The following DGKG variants were observed in gnomAD, a reference collection of about 807,000 sequenced individuals.
DGKG encodes diacylglycerol kinase gamma.
In DGKG, 78 loss-of-function variants were observed where a neutral mutation model predicts 105.3. The observed-to-expected ratio is 0.74, with a 90% confidence interval of 0.62 to 0.89. DGKG has a LOEUF of 0.89. DGKG is among the 40% of genes least tolerant of loss of function. DGKG has a pLI of 0.00. For synonymous variants in DGKG, 346 were observed against 367.1 expected, an observed-to-expected ratio of 0.94 and a Z score of 0.66; for missense variants, 958 against 1,020.1, an observed-to-expected ratio of 0.94 and a Z score of 0.83.
intron 3 of DGKG, among the ~76,000 whole-genome samples, chr3:186,299,178 T>C (rs1210193589): frequency 6.6e-6 from 1 of 152,186 alleles, no homozygotes; most frequent in Non-Finnish European, 1.5e-5. Context: ...TGGAAATCAT[T>C]TGAGGAAGCA....
At position 186,188,223 on chromosome 3, in the gene DGKG, C is replaced by A; in HGVS notation, c.2074G>T (p.Glu692Ter). The A allele has an allele frequency of 6.2e-7, 1 of 1,614,172 alleles. No homozygotes were observed. The highest frequency in any genetic ancestry group is 8.5e-7 in the Non-Finnish European group (1 of 1,180,030). Reference protein sequence around the residue: ...ESRKGVTDPKELKFCVQDLSD... With the variant: ...ESRKGVTDPK ...TTACCTTGAACGCAGAATTTCAGTT[C>A]TTTGGGGTCAGTGACACCCTTCCTG... The change falls in exon 22 of 25, where the codon GAA becomes TAA. Residue 692 changes from glutamate (E) to a stop codon, truncating the protein, a stop_gained. Transcript: ENST00000265022. LOFTEE classifies it high-confidence loss of function.
chr3:186,342,257 G>C (rs1726126259), intron 1 of DGKG, among the ~76,000 whole-genome samples: 1 of 152,324 alleles, frequency 6.6e-6, no homozygotes. Flanking sequence ...CCTAAGGATA[G>C]AGCACCTAGA....
At chr3:186,191,396 T>C (rs1441713381) in intron 21 of DGKG, among the ~76,000 whole-genome samples, 1 of 152,234 alleles carries the variant, frequency 6.6e-6, no homozygotes, top group Non-Finnish European at 1.5e-5. Context: ...GCCATATTTG[T>C]CTGCCTCTTA....
chr3:186,228,665 C>T (rs1469524319), intron 20 of DGKG, among the ~76,000 whole-genome samples: 1 of 152,188 alleles, frequency 6.6e-6, no homozygotes, highest in African/African-American at 2.4e-5. Context: ...CATACTGCTT[C>T]CCTCCTCCTA....
At chr3:186,170,111 T>C (rs1716747589) in intron 22 of DGKG, among the ~76,000 whole-genome samples, 2 of 152,182 alleles carry the variant, frequency 1.3e-5, no homozygotes, top group Admixed American at 1.3e-4. Context: ...GCTAGGCCAG[T>C]GGTTCCTAAA....
intron 2 of DGKG, among the ~76,000 whole-genome samples, chr3:186,317,918 A>G (rs903949126): frequency 2.6e-5 from 4 of 152,188 alleles, no homozygotes; most frequent in South Asian, 2.1e-4. Context: ...AACAATCCCA[A>G]ACATTCCCCA....
At position 186,361,583 on chromosome 3, in the gene DGKG, T is replaced by A. The variant is rs553509954; in HGVS notation, c.-249+363A>T. On this transcript the variant is annotated intron_variant, in intron 1 of 24. Coordinates refer to ENST00000265022, the MANE Select transcript of DGKG (RefSeq NM_001346.3). The surrounding 1 kb of genome is among the most constrained non-coding windows in gnomAD (Gnocchi z 6.8). ...TTCTCGGACTGCCTGGAGCGCGAACTGGATATCAAGGAGCCAAGGTTAAGT... is the reference window on the plus strand; with the variant it reads ...TTCTCGGACTGCCTGGAGCGCGAACAGGATATCAAGGAGCCAAGGTTAAGT... Among the ~76,000 whole-genome samples, 2 of 152,112 alleles carry A rather than the reference T, an allele frequency of 1.3e-5. No homozygotes were observed. Among genetic ancestry groups the A allele is most frequent in the Non-Finnish European group, 1.5e-5 (1 of 68,028 alleles).
intron 3 of DGKG, 120 bp downstream of exon 3, chr3:186,306,781 G>T: frequency 1.5e-6 from 1 of 679,704 alleles, no homozygotes; most frequent in Non-Finnish European, 2.6e-6. Context: ...TGAGACTTAA[G>T]AGGAAACATG....
At chr3:186,275,696 C>G (rs750410934) in intron 9 of DGKG, 32 bp from the exon 10 acceptor site, 3 of 1,551,188 alleles carry the variant, frequency 1.9e-6, no homozygotes, top group East Asian at 2.3e-5. Flanking sequence ...AGACCCCAAG[C>G]TGGCTGCCCT....
intron 20 of DGKG, among the ~76,000 whole-genome samples, chr3:186,233,704 C>T (rs974669150): frequency 5.3e-5 from 8 of 152,172 alleles, no homozygotes; most frequent in Admixed American, 1.3e-4. Flanking sequence ...AGGATAGTCT[C>T]GATCTCCTGA....
intron 1 of DGKG, among the ~76,000 whole-genome samples, chr3:186,339,979 AT>A (rs1726012470): frequency 6.6e-6 from 1 of 152,230 alleles, no homozygotes; most frequent in African/African-American, 2.4e-5. Context: ...AGGATTAAAG[AT>A]AATGAATATA....
chr3:186,204,363 G>A lies in DGKG; in HGVS notation c.1917+7432C>T, dbSNP rs890276610. On this transcript the variant is annotated intron_variant, in intron 21 of 24. Coordinates refer to ENST00000265022, the MANE Select transcript of DGKG (RefSeq NM_001346.3). The stretch of plus-strand genomic sequence containing the variant: ...AGAGGTTGCAGTAAGCTGAGATCGC[G>A]CCACTGCACTCCATCCTGGGTGACA... 8.5e-5 allele frequency among the ~76,000 whole-genome samples: 13 copies of A among 152,210 alleles called. No individual in the cohort carries two copies. In the East Asian group the frequency reaches 9.7e-4, roughly 11 times the overall value.
At chr3:186,309,679 G>T (rs927297991) in intron 2 of DGKG, among the ~76,000 whole-genome samples, 9 of 152,204 alleles carry the variant, frequency 5.9e-5, no homozygotes, top group Middle Eastern at 3.2e-3. Flanking sequence ...TCTGCAAGAA[G>T]AGTGTAGAGT....
chr3:186,184,793 C>T (rs1215685361), intron 22 of DGKG, among the ~76,000 whole-genome samples: 1 of 152,078 alleles, frequency 6.6e-6, no homozygotes, highest in Non-Finnish European at 1.5e-5. Flanking sequence ...CTGATTTCTC[C>T]CTCTCCTCCA....
chr3:186,290,076 G>A (rs1377789063), intron 5 of DGKG, among the ~76,000 whole-genome samples: 1 of 152,166 alleles, frequency 6.6e-6, no homozygotes, highest in Non-Finnish European at 1.5e-5. Flanking sequence ...CCAAGATGGA[G>A]CCTAGGAAAC....
intron 2 of DGKG, 30 bp downstream of exon 2, chr3:186,320,363 C>T (rs776221082): frequency 1.9e-5 from 30 of 1,613,026 alleles, no homozygotes; most frequent in Middle Eastern, 1.6e-4. Flanking sequence ...GAAGAAATCC[C>T]GTCCCAGGGC....
At chr3:186,206,196 C>T (rs966817154) in intron 21 of DGKG, among the ~76,000 whole-genome samples, 1 of 152,102 alleles carries the variant, frequency 6.6e-6, no homozygotes, top group Non-Finnish European at 1.5e-5. Context: ...CCATCCTGCC[C>T]TACGTGGTGA....
chr3:186,160,404 G>A (rs1395793236), intron 24 of DGKG: 2 of 985,194 alleles, frequency 2.0e-6, no homozygotes, highest in African/African-American at 3.5e-5. Flanking sequence ...TCCATCAAAT[G>A]ATAAATAGTA....
In DGKG at chr3:186,361,491, A is replaced by G. The variant is rs1463899997; in HGVS notation, c.-249+455T>C. On this transcript the variant is annotated intron_variant, in intron 1 of 24. Transcript: ENST00000265022. The surrounding 1 kb of genome is among the most constrained non-coding windows in gnomAD (Gnocchi z 6.8). ...GCAGGGGCTTTGTGGAGTGCCCCCA[A>G]AGTCCTAGAACCCCGCGGGACGGTC... Among the ~76,000 whole-genome samples the G allele has an allele frequency of 1.3e-5, 2 of 152,138 alleles. No individual in the cohort carries two copies. Among genetic ancestry groups the G allele is most frequent in the Non-Finnish European group, 2.9e-5 (2 of 68,016 alleles).
Sources: gnomAD v4.1 joint callset for allele counts (sites outside exome capture counted in the v4.1 genomes callset) on GRCh38, gnomAD v4.1.1 for gene constraint, Gnocchi (gnomAD v3.1) non-coding constraint, MANE v1.5 for transcripts, NCBI Gene and HGNC (gene_info 2026-07-23, HGNC 2026-07-21) for gene names.